The following PTPRR variants were observed in gnomAD, a reference collection of about 807,000 sequenced individuals.
PTPRR encodes protein tyrosine phosphatase receptor type R, also known as receptor-type tyrosine-protein phosphatase R.
Under a neutral mutation model 77.2 loss-of-function variants are expected in PTPRR, and 38 were observed. The ratio of observed to expected loss-of-function variants is 0.49; its 90% CI spans 0.38 to 0.65. PTPRR has a LOEUF of 0.65. Ranked by LOEUF, PTPRR falls within the 30% of genes least tolerant of loss-of-function variation. The probability of loss-of-function intolerance (pLI) is 0.00; values close to 1 mark genes in which losing one functional copy is unlikely to be tolerated. For synonymous variants in PTPRR, 299 were observed against 283.1 expected (o/e 1.06, Z -0.57); for missense variants, 744 against 799.2 (o/e 0.93, Z 0.83).
chr12:70,686,287 T>C (rs746648623), intron 8 of PTPRR, among the ~76,000 whole-genome samples: 8 of 152,272 alleles, frequency 5.3e-5, no homozygotes, highest in Non-Finnish European at 1.2e-4. Flanking sequence ...GAAAGTTTCA[T>C]AGAATATATT....
chr12:70,879,301 C>T (rs1041021884), intron 2 of PTPRR, among the ~76,000 whole-genome samples: 1 of 151,432 alleles, frequency 6.6e-6, no homozygotes, highest in South Asian at 2.1e-4. Flanking sequence ...CATTATATTG[C>T]AAAGCAAGGT....
At chr12:70,858,003 T>C (rs1892681918) in intron 2 of PTPRR, among the ~76,000 whole-genome samples, 2 of 152,040 alleles carry the variant, frequency 1.3e-5, no homozygotes, top group Admixed American at 6.6e-5. Flanking sequence ...CTTCAAGATG[T>C]GCCCCAGTTT....
chr12:70,693,005 T>A (rs1888106158), intron 8 of PTPRR, among the ~76,000 whole-genome samples: 1 of 152,186 alleles, frequency 6.6e-6, no homozygotes, highest in South Asian at 2.1e-4. Context: ...GTTAAAGCCC[T>A]GTTTTTGACT....
At chr12:70,767,307 G>C (rs1388017576) in intron 2 of PTPRR, among the ~76,000 whole-genome samples, 1 of 151,368 alleles carries the variant, frequency 6.6e-6, no homozygotes, top group Admixed American at 6.6e-5. Context: ...TCAAAATAAA[G>C]GGATGGAGGA....
chr12:70,649,034 C>T (rs1250418449), intron 13 of PTPRR, among the ~76,000 whole-genome samples: 2 of 152,158 alleles, frequency 1.3e-5, no homozygotes, highest in Non-Finnish European at 2.9e-5. Context: ...AATGAGGAAT[C>T]TACCAAATGG....
intron 6 of PTPRR, among the ~76,000 whole-genome samples, chr12:70,702,004 T>TA (rs921260939): frequency 6.6e-5 from 10 of 151,832 alleles, no homozygotes; most frequent in Admixed American, 6.6e-5. Context: ...TAGATAAAAA[T>TA]AAAAAAAGAT....
chr12:70,838,003 C>T (rs1415752061), intron 2 of PTPRR, among the ~76,000 whole-genome samples: 4 of 152,116 alleles, frequency 2.6e-5, no homozygotes, highest in African/African-American at 9.7e-5. Context: ...ACATATTTCA[C>T]AATATTACAG....
chr12:70,685,579 G>A (rs894917373), intron 8 of PTPRR, among the ~76,000 whole-genome samples: 6 of 151,736 alleles, frequency 4.0e-5, no homozygotes, highest in African/African-American at 1.5e-4. Context: ...GAACCCGAAA[G>A]GCCAAGGTTG....
intron 2 of PTPRR, among the ~76,000 whole-genome samples, chr12:70,823,529 T>C (rs1892058243): frequency 1.3e-5 from 2 of 152,208 alleles, no homozygotes. Flanking sequence ...TGTTACTGTG[T>C]GTTTTTTTTG....
At chr12:70,733,337 G>C (rs542035674) in intron 6 of PTPRR, among the ~76,000 whole-genome samples, 1 of 148,154 alleles carries the variant, frequency 6.7e-6, no homozygotes, top group Non-Finnish European at 1.5e-5. Flanking sequence ...ACTACACTGA[G>C]ACCTGTTTTC....
intron 2 of PTPRR, among the ~76,000 whole-genome samples, chr12:70,824,747 G>A (rs1331022814): frequency 1.3e-5 from 2 of 152,178 alleles, no homozygotes; most frequent in African/African-American, 2.4e-5. Flanking sequence ...GATGGGGTTG[G>A]TGGGGGCGGA....
At chr12:70,790,915 C>T (rs537041191) in intron 2 of PTPRR, among the ~76,000 whole-genome samples, 3 of 152,132 alleles carry the variant, frequency 2.0e-5, no homozygotes, top group African/African-American at 7.2e-5. Flanking sequence ...CTTTCTCTCA[C>T]CCTCCAGAGT....
At chr12:70,892,407 G>T (rs1209325701) in intron 2 of PTPRR, among the ~76,000 whole-genome samples, 1 of 152,000 alleles carries the variant, frequency 6.6e-6, no homozygotes, top group Non-Finnish European at 1.5e-5. Context: ...CCTTCCTAAA[G>T]TAATCTTTTA....
At chr12:70,672,765 T>C in intron 10 of PTPRR, 1 of 1,556,700 alleles carries the variant, frequency 6.4e-7, no homozygotes, top group Non-Finnish European at 8.7e-7. Flanking sequence ...CCCCAGGTGT[T>C]GGTGTATTCA....
intron 2 of PTPRR, among the ~76,000 whole-genome samples, chr12:70,871,354 T>C (rs140208670): frequency 4.8e-4 from 73 of 152,266 alleles, no homozygotes; most frequent in African/African-American, 1.6e-3. Flanking sequence ...CACTCCTACA[T>C]CTTAGGTGTG....
At chr12:70,740,477 A>T (rs2136913522) in intron 6 of PTPRR, among the ~76,000 whole-genome samples, 1 of 151,910 alleles carries the variant, frequency 6.6e-6, no homozygotes, top group East Asian at 1.9e-4. Flanking sequence ...GGCTCAAGTG[A>T]TCCTCCCACC....
At chr12:70,879,714 T>C (rs376722468) in intron 2 of PTPRR, among the ~76,000 whole-genome samples, 96 of 152,354 alleles carry the variant, frequency 6.3e-4, no homozygotes, top group African/African-American at 2.2e-3. Context: ...GTTCTTGCTG[T>C]GTAGTATTCA....
At chr12:70,880,083 T>C (rs776618581) in intron 2 of PTPRR, among the ~76,000 whole-genome samples, 1 of 152,188 alleles carries the variant, frequency 6.6e-6, no homozygotes, top group Non-Finnish European at 1.5e-5. Flanking sequence ...GAAATACAAG[T>C]TTTCTTGGTA....
At chr12:70,844,740 A>G (rs1259625587) in intron 2 of PTPRR, among the ~76,000 whole-genome samples, 1 of 152,186 alleles carries the variant, frequency 6.6e-6, no homozygotes, top group East Asian at 1.9e-4. Context: ...ATTCCAATAG[A>G]CTTCAGCTGG....
Sources: allele counts gnomAD v4.1 joint callset (sites outside exome capture counted in the v4.1 genomes callset), GRCh38; gene constraint gnomAD v4.1.1; transcripts MANE v1.5; gene names NCBI Gene and HGNC (gene_info 2026-07-23, HGNC 2026-07-21).